HHAT: variants seen among roughly 807,000 people sequenced by gnomAD.
HHAT encodes hedgehog acyltransferase.
A neutral mutation model predicts 70.8 loss-of-function variants in HHAT; 47 were observed. That is an observed-to-expected ratio of 0.66 (90% CI 0.53 to 0.85). HHAT has a LOEUF of 0.85. Among genes scored for constraint, HHAT ranks in the 40% least tolerant of loss-of-function variants. HHAT has a pLI of 0.00. For missense variants in HHAT, 609 were observed against 604.8 expected, an observed-to-expected ratio of 1.01 and a Z score of -0.07; for synonymous variants, 228 against 247.6, an observed-to-expected ratio of 0.92 and a Z score of 0.74.
chr1:210,603,283 G>A (rs1267167966), intron 10 of HHAT, among the ~76,000 whole-genome samples: 1 of 152,062 alleles, frequency 6.6e-6, no homozygotes, highest in African/African-American at 2.4e-5. Flanking sequence ...TAGTGTGAAT[G>A]TAAATGGTTG....
At chr1:210,519,108 C>T (rs11119517) in intron 9 of HHAT, among the ~76,000 whole-genome samples, 1 of 152,174 alleles carries the variant, frequency 6.6e-6, no homozygotes, top group Non-Finnish European at 1.5e-5. Context: ...ACATTTAACT[C>T]TTGGAACAGG....
At chr1:210,588,433 T>A in intron 10 of HHAT, 1 of 220,658 alleles carries the variant, frequency 4.5e-6, no homozygotes, top group Admixed American at 5.1e-5. Context: ...AACAGACATA[T>A]GTATATAACA....
At chr1:210,466,875 T>C (rs1025343409) in intron 8 of HHAT, among the ~76,000 whole-genome samples, 1 of 152,162 alleles carries the variant, frequency 6.6e-6, no homozygotes, top group Non-Finnish European at 1.5e-5. Flanking sequence ...ACTAGACTCA[T>C]ATAGTTGAGA....
chr1:210,641,232 T>G (rs1248710666), intron 11 of HHAT, among the ~76,000 whole-genome samples: 3 of 152,198 alleles, frequency 2.0e-5, no homozygotes, highest in Non-Finnish European at 1.5e-5. Flanking sequence ...GTATCTCTTT[T>G]AGGAAGACTC....
At chr1:210,433,705 T>A (rs140846183) in intron 7 of HHAT, among the ~76,000 whole-genome samples, 62 of 152,044 alleles carry the variant, frequency 4.1e-4, no homozygotes, top group African/African-American at 1.5e-3. Flanking sequence ...CCTGGAGATA[T>A]CAAACTAAAA....
At chr1:210,603,287 A>G (rs757345969) in intron 10 of HHAT, among the ~76,000 whole-genome samples, 38 of 151,982 alleles carry the variant, frequency 2.5e-4, no homozygotes, top group Non-Finnish European at 4.7e-4. Context: ...GTGAATGTAA[A>G]TGGTTGAAAC....
intron 6 of HHAT, among the ~76,000 whole-genome samples, chr1:210,409,118 G>A (rs957771304): frequency 2.6e-5 from 4 of 152,054 alleles, no homozygotes; most frequent in Admixed American, 1.3e-4. Flanking sequence ...CTCTTGCTTC[G>A]GCCTCCCAAA....
chr1:210,576,848 T>C (rs989998793), intron 9 of HHAT, among the ~76,000 whole-genome samples: 1 of 152,202 alleles, frequency 6.6e-6, no homozygotes. Context: ...TTTACTTTCT[T>C]TCATCAATGT....
At chr1:210,579,773 C>T (rs927505080) in intron 9 of HHAT, among the ~76,000 whole-genome samples, 13 of 152,244 alleles carry the variant, frequency 8.5e-5, no homozygotes, top group South Asian at 2.1e-4. Context: ...TGTTTTCTAG[C>T]GGCAAATGTG....
At chr1:210,357,915 A>G (rs558204939) in intron 2 of HHAT, among the ~76,000 whole-genome samples, 2 of 152,312 alleles carry the variant, frequency 1.3e-5, no homozygotes, top group South Asian at 4.1e-4. Flanking sequence ...CTACATTTGT[A>G]TGCTCTTCTC....
At chr1:210,646,277 G>A (rs1674043306) in intron 11 of HHAT, among the ~76,000 whole-genome samples, 1 of 152,156 alleles carries the variant, frequency 6.6e-6, no homozygotes, top group South Asian at 2.1e-4. Context: ...AAAAACTCCT[G>A]AGAATAAAAG....
chr1:210,483,380 C>G (rs148742440), intron 8 of HHAT, among the ~76,000 whole-genome samples: 1 of 152,220 alleles, frequency 6.6e-6, no homozygotes, highest in Non-Finnish European at 1.5e-5. Flanking sequence ...CTGAGCCCAG[C>G]AAGCGTCCTA....
In HHAT at chr1:210,674,372, C is replaced by T. The variant is rs148466987; in HGVS notation, c.1475C>T (p.Thr492Met). ...ATTGCCTGGGCCCAGACCTACGCCACGGACTAATGCTGTTGGGCCCAGGCC... is the reference window on the plus strand; with the variant it reads ...ATTGCCTGGGCCCAGACCTACGCCATGGACTAATGCTGTTGGGCCCAGGCC... ...VGIAWAQTYATD is the reference protein window; with the variant it reads ...VGIAWAQTYAMD The change falls in exon 12 of 12, where the codon ACG becomes ATG. Residue 492 changes from threonine to methionine, a missense_variant. Coordinates refer to ENST00000261458, the MANE Select transcript of HHAT (RefSeq NM_018194.6). The T allele has an allele frequency of 6.3e-5, 101 of 1,613,640 alleles. No individual in the cohort carries two copies. The Middle Eastern group carries it at 9.9e-4, about 16-fold the overall frequency.
intron 1 of HHAT, among the ~76,000 whole-genome samples, chr1:210,331,772 A>T (rs1048957596): frequency 3.3e-5 from 5 of 152,228 alleles, no homozygotes; most frequent in Admixed American, 3.3e-4. Flanking sequence ...GAGTGCAGCC[A>T]CTTATCTGCC....
At position 210,400,529 on chromosome 1, in the gene HHAT, C is replaced by T. The variant is rs145455128; in HGVS notation, c.335C>T (p.Pro112Leu). The T allele has an allele frequency of 2.1e-4, 345 of 1,613,966 alleles. No homozygotes were observed. The highest frequency in any genetic ancestry group is 2.8e-4 in the Non-Finnish European group (332 of 1,180,010). Residue 112 changes from proline (P) to leucine (L), a missense_variant, in exon 5 of 12, where the codon CCT (proline) becomes CTT (leucine). Pro to Leu is a moderately conservative substitution (Grantham distance 98). Coordinates refer to ENST00000261458, the MANE Select transcript of HHAT (RefSeq NM_018194.6). Reference protein sequence around the residue: ...MWACWCVLGTPGVAMVLLHTT... With the variant: ...MWACWCVLGTLGVAMVLLHTT... The stretch of plus-strand genomic sequence containing the variant: ...GCCTGCTGGTGTGTGCTGGGGACCC[C>T]TGGTGTGGCTATGGTTTTGCTCCAT...
intron 11 of HHAT, among the ~76,000 whole-genome samples, chr1:210,649,226 T>C (rs1357178074): frequency 6.6e-6 from 1 of 152,202 alleles, no homozygotes; most frequent in Non-Finnish European, 1.5e-5. Context: ...TCATTCTGGC[T>C]CCCCTCTGAC....
chr1:210,512,956 G>A (rs558076125), intron 8 of HHAT, among the ~76,000 whole-genome samples, 197 bp from the exon 9 acceptor site: 5 of 152,294 alleles, frequency 3.3e-5, no homozygotes, highest in African/African-American at 1.2e-4. Context: ...TGGTATGTCT[G>A]AGGTGGGGCC....
intron 2 of HHAT, among the ~76,000 whole-genome samples, chr1:210,349,786 G>T (rs548670302): frequency 6.0e-4 from 91 of 151,992 alleles, no homozygotes; most frequent in Non-Finnish European, 1.1e-3. Flanking sequence ...GAGTAGCTGA[G>T]ATTTCAGGTG....
At chr1:210,645,462 T>C (rs945625401) in intron 11 of HHAT, among the ~76,000 whole-genome samples, 1 of 152,146 alleles carries the variant, frequency 6.6e-6, no homozygotes, top group Non-Finnish European at 1.5e-5. Flanking sequence ...TATTTTTTAG[T>C]AGAGATGGGG....
Sources: allele counts gnomAD v4.1 joint callset (sites outside exome capture counted in the v4.1 genomes callset), GRCh38; gene constraint gnomAD v4.1.1; transcripts MANE v1.5; gene names NCBI Gene and HGNC (gene_info 2026-07-23, HGNC 2026-07-21).